The following PAM variants were observed in gnomAD, a reference collection of about 807,000 sequenced individuals.
PAM encodes the protein peptidylglycine alpha-amidating monooxygenase, also known as peptidyl-glycine alpha-amidating monooxygenase.
In PAM, 72 loss-of-function variants were observed where a neutral mutation model predicts 122.1. That is an observed-to-expected ratio of 0.59 (90% CI 0.49 to 0.72). The LOEUF (loss-of-function observed/expected upper bound fraction) is 0.72. Ranked by LOEUF, PAM falls within the 30% of genes least tolerant of loss-of-function variation. The pLI is 0.00. For missense variants in PAM, 1,106 were observed against 1,183.7 expected (o/e 0.93, Z 0.96); for synonymous variants, 389 against 404.4 (o/e 0.96, Z 0.46).
chr5:102,762,625 T>TCA (rs1752674941), intron 1 of PAM, among the ~76,000 whole-genome samples: 2 of 152,118 alleles, frequency 1.3e-5, no homozygotes, highest in East Asian at 3.9e-4. Flanking sequence ...CTGGGGAGAA[T>TCA]TTAGAATTAT....
intron 1 of PAM, among the ~76,000 whole-genome samples, chr5:102,786,304 C>G (rs930916756): frequency 2.0e-5 from 3 of 152,156 alleles, no homozygotes; most frequent in African/African-American, 7.2e-5. Flanking sequence ...TCCTAATATG[C>G]AAAATGGAGA....
chr5:102,866,019 G>T lies in PAM; in HGVS notation c.-177G>T, dbSNP rs950688610. On this transcript the variant is annotated 5_prime_UTR_variant, in exon 2 of 26. Coordinates refer to ENST00000438793, the MANE Select transcript of PAM (RefSeq NM_001177306.2). ...TTTGCCCGCCGCTCGTGACCGAGAC[G>T]CCTCGCCGCGGCCAGCTCGCTGCTC... 3 of 456,880 alleles carry T rather than the reference G, an allele frequency of 6.6e-6. No homozygotes were observed. The highest frequency in any genetic ancestry group is 1.1e-5 in the Non-Finnish European group (3 of 263,920). 28.3% of individuals were successfully genotyped at this position (456,880 alleles called of 1,614,324 possible). A position where few individuals can be genotyped will look rare whatever the true frequency, so the allele number is the denominator to read the frequency against.
chr5:102,765,116 T>C (rs1314330667), intron 1 of PAM, among the ~76,000 whole-genome samples: 1 of 152,212 alleles, frequency 6.6e-6, no homozygotes, highest in East Asian at 1.9e-4. Flanking sequence ...ACTCAGTCTA[T>C]GTGATGTTAT....
At chr5:103,024,345 G>C (rs1383735973) in intron 23 of PAM, among the ~76,000 whole-genome samples, 1 of 151,952 alleles carries the variant, frequency 6.6e-6, no homozygotes, top group African/African-American at 2.4e-5. Context: ...AGTACTTTAG[G>C]CTTGATACCT....
At chr5:102,758,084 T>G (rs1751110815) in intron 1 of PAM, among the ~76,000 whole-genome samples, 5 of 42,998 alleles carry the variant, frequency 1.2e-4, no homozygotes, top group Non-Finnish European at 2.6e-4. Context: ...TTTTTTTTTT[T>G]TTTTTTTTTT....
chr5:102,801,225 TATAAA>T (rs1422602167), intron 1 of PAM, among the ~76,000 whole-genome samples: 1 of 152,160 alleles, frequency 6.6e-6, no homozygotes, highest in Non-Finnish European at 1.5e-5. Flanking sequence ...CTAGACATAG[TATAAA>T]ATAAAACAGG....
At chr5:102,860,445 G>A (rs545631831) in intron 1 of PAM, among the ~76,000 whole-genome samples, 1 of 152,300 alleles carries the variant, frequency 6.6e-6, no homozygotes, top group African/African-American at 2.4e-5. Context: ...CACTTTGGAA[G>A]GGCGAGGTGG....
chr5:103,028,321 C>T, intron 25 of PAM, 83 bp downstream of exon 25: 1 of 982,946 alleles, frequency 1.0e-6, no homozygotes, highest in South Asian at 1.4e-5. Flanking sequence ...GGAGATATTT[C>T]ATATTTTGTC....
chr5:102,950,430 T>G (rs1045484399), intron 11 of PAM, among the ~76,000 whole-genome samples: 1 of 151,934 alleles, frequency 6.6e-6, no homozygotes, highest in Non-Finnish European at 1.5e-5. Context: ...TGTGTGTGTG[T>G]GTGTGTGTGT....
chr5:102,985,702 C>T (rs1278290332), intron 15 of PAM, among the ~76,000 whole-genome samples: 2 of 151,908 alleles, frequency 1.3e-5, no homozygotes, highest in African/African-American at 4.8e-5. Context: ...CAAACTATTC[C>T]AAAATATGGA....
chr5:103,021,510 CCT>C (rs1783535954), intron 23 of PAM, among the ~76,000 whole-genome samples: 1 of 152,158 alleles, frequency 6.6e-6, no homozygotes, highest in Non-Finnish European at 1.5e-5. Flanking sequence ...TAGGCCATTT[CCT>C]CTCTCCTGTG....
chr5:103,022,117 TA>T (rs1198744404), intron 23 of PAM, among the ~76,000 whole-genome samples: 1 of 112,904 alleles, frequency 8.9e-6, no homozygotes, highest in Non-Finnish European at 1.8e-5. Context: ...CCCCCCCAAA[TA>T]AAAGATGATA....
At chr5:102,992,953 A>G (rs7734851) in intron 16 of PAM, among the ~76,000 whole-genome samples, 4,277 of 152,190 alleles carry the variant, frequency 0.028, 191 homozygotes, top group African/African-American at 0.098. Context: ...ATTAATACTC[A>G]GTACCCAAAG....
At chr5:103,007,165 TCA>T (rs113747381) in intron 19 of PAM, among the ~76,000 whole-genome samples, 154 bp downstream of exon 19, 34 of 140,702 alleles carry the variant, frequency 2.4e-4, no homozygotes, top group East Asian at 4.1e-4. Context: ...AGCTTGTCTC[TCA>T]CACACACACA....
At chr5:102,780,821 TTCTTTCTTTCTTTC>T (rs1561427928) in intron 1 of PAM, among the ~76,000 whole-genome samples, 2 of 120,938 alleles carry the variant, frequency 1.7e-5, no homozygotes, top group Admixed American at 8.6e-5. Context: ...CTTTCTTTCT[TTCTTTCTTTCTTTC>T]TCTGTCTTTC....
At chr5:102,979,069 CACAT>C (rs1768811711) in intron 15 of PAM, among the ~76,000 whole-genome samples, 1 of 151,594 alleles carries the variant, frequency 6.6e-6, no homozygotes, top group African/African-American at 2.4e-5. Context: ...CACGCACACA[CACAT>C]ACACACAAAC....
chr5:102,762,142 A>G (rs983067717), intron 1 of PAM, among the ~76,000 whole-genome samples: 1 of 152,186 alleles, frequency 6.6e-6, no homozygotes, highest in African/African-American at 2.4e-5. Flanking sequence ...TATCTCCCCC[A>G]AATTCCCCTT....
At chr5:102,959,378 C>A (rs560784616) in intron 12 of PAM, among the ~76,000 whole-genome samples, 1 of 152,152 alleles carries the variant, frequency 6.6e-6, no homozygotes, top group Admixed American at 6.6e-5. Context: ...TAACCAAAAA[C>A]AAGGTCCAGG....
chr5:103,020,946 G>T (rs966436424), intron 23 of PAM, among the ~76,000 whole-genome samples: 96 of 152,150 alleles, frequency 6.3e-4, no homozygotes, highest in African/African-American at 2.3e-3. Context: ...TACTAAAGAA[G>T]GTTCCTGTCC....
Sources: allele counts gnomAD v4.1 joint callset (sites outside exome capture counted in the v4.1 genomes callset), GRCh38; gene constraint gnomAD v4.1.1; transcripts MANE v1.5; gene names NCBI Gene and HGNC (gene_info 2026-07-23, HGNC 2026-07-21).